The following SCAI variants were observed in gnomAD, a reference collection of about 807,000 sequenced individuals.
SCAI encodes the protein protein SCAI.
In SCAI, 24 loss-of-function variants were observed where a neutral mutation model predicts 92.2. The observed-to-expected ratio is 0.26, with a 90% confidence interval of 0.19 to 0.37. The LOEUF is 0.37. Ranked by LOEUF, SCAI falls within the 10% of genes least tolerant of loss-of-function variation. SCAI has a pLI of 1.00. For synonymous variants in SCAI, 261 were observed against 258.6 expected (o/e 1.01, Z -0.09); for missense variants, 450 against 736.2 (o/e 0.61, Z 4.50).
intron 2 of SCAI, among the ~76,000 whole-genome samples, chr9:125,076,757 G>A (rs1834099221): frequency 6.6e-6 from 1 of 151,858 alleles, no homozygotes; most frequent in Non-Finnish European, 1.5e-5. Context: ...GGAGTGCAGT[G>A]GCGTGATCTC....
intron 11 of SCAI, 83 bp downstream of exon 11, chr9:125,003,031 A>T: frequency 1.2e-6 from 1 of 823,292 alleles, no homozygotes; most frequent in Non-Finnish European, 2.0e-6. Flanking sequence ...TAAACTCTTA[A>T]GTATTTTTTC....
At chr9:125,066,666 G>A (rs7469475) in intron 2 of SCAI, among the ~76,000 whole-genome samples, 1 of 152,012 alleles carries the variant, frequency 6.6e-6, no homozygotes, top group African/African-American at 2.4e-5. Flanking sequence ...TGTTAGCCAG[G>A]ATGGTCTCGA....
intron 3 of SCAI, among the ~76,000 whole-genome samples, chr9:125,054,472 A>G (rs529340997): frequency 1.3e-5 from 2 of 152,202 alleles, no homozygotes; most frequent in Non-Finnish European, 2.9e-5. Context: ...TTCGTACCCA[A>G]TACAGAATAT....
intron 2 of SCAI, among the ~76,000 whole-genome samples, chr9:125,108,223 G>A (rs1033085097): frequency 7.9e-5 from 12 of 152,270 alleles, no homozygotes; most frequent in Non-Finnish European, 1.5e-4. Flanking sequence ...CTCCCAAAGT[G>A]CCGAGATTGC....
At chr9:124,954,447 C>A (rs1313122347) in intron 17 of SCAI, among the ~76,000 whole-genome samples, 2 of 152,224 alleles carry the variant, frequency 1.3e-5, no homozygotes, top group African/African-American at 4.8e-5. Flanking sequence ...AATAGTTACA[C>A]AATCCTCCCA....
At chr9:125,044,027 T>C (rs1241099980) in intron 3 of SCAI, among the ~76,000 whole-genome samples, 1 of 152,150 alleles carries the variant, frequency 6.6e-6, no homozygotes, top group East Asian at 1.9e-4. Flanking sequence ...TACCTGCTCC[T>C]GCTCCCTGGC....
At chr9:125,086,781 T>C (rs909476140) in intron 2 of SCAI, among the ~76,000 whole-genome samples, 13 of 152,194 alleles carry the variant, frequency 8.5e-5, no homozygotes, top group African/African-American at 3.1e-4. Flanking sequence ...TGCTGCCACT[T>C]ACTATTCAAA....
At position 125,055,903 on chromosome 9, in the gene SCAI, T is replaced by A. The variant is rs983093168; in HGVS notation, c.203A>T (p.Lys68Ile). ...TAACCCATTGAACAGTTGCTTAGAT[T>A]TATCCAGAAGATAACAAAAATCTGT... ...TVTDFCYLLDKSKQLFNGLRD... is the reference protein window; with the variant it reads ...TVTDFCYLLDISKQLFNGLRD... The change falls in exon 3 of 18, where the codon AAA (lysine) becomes ATA (isoleucine). Residue 68 changes from lysine (K) to isoleucine (I), a missense_variant. Physicochemically the swap from Lys to Ile is moderately radical, Grantham distance 102. Around this residue, in one of 3 missense-constraint regions of SCAI, gnomAD observed 20 missense variants for 68.2 expected, o/e 0.29. Coordinates refer to ENST00000336505, the MANE Select transcript of SCAI (RefSeq NM_001144877.3). The A allele has an allele frequency of 1.2e-6, 2 of 1,613,094 alleles. No individual in the cohort carries two copies. Among genetic ancestry groups the A allele is most frequent in the African/African-American group, 2.7e-5 (2 of 74,898 alleles).
At chr9:125,002,097 G>T in intron 11 of SCAI, 54 bp from the exon 12 acceptor site, 2 of 1,212,980 alleles carry the variant, frequency 1.6e-6, no homozygotes, top group South Asian at 1.2e-5. Context: ...TAAACAACAT[G>T]GTTTTATTTA....
chr9:125,099,288 C>CTT (rs1016275871), intron 2 of SCAI, among the ~76,000 whole-genome samples: 3 of 143,646 alleles, frequency 2.1e-5, no homozygotes, highest in African/African-American at 2.5e-5. Context: ...CACTTTTTAT[C>CTT]TTTTTTTTTT....
intron 17 of SCAI, among the ~76,000 whole-genome samples, chr9:124,958,705 G>A (rs1453597354): frequency 1.3e-5 from 2 of 151,982 alleles, no homozygotes; most frequent in African/African-American, 4.8e-5. Flanking sequence ...TCAGGAATTC[G>A]AGATCAGCCT....
intron 2 of SCAI, among the ~76,000 whole-genome samples, chr9:125,073,114 T>TTTTTTTTTG (rs1834012833): frequency 8.3e-6 from 1 of 121,104 alleles, no homozygotes; most frequent in Non-Finnish European, 1.8e-5. Context: ...TTTTTTTTTT[T>TTTTTTTTTG]TTTTTTTTGA....
chr9:125,066,758 AT>A (rs1156462575), intron 2 of SCAI, among the ~76,000 whole-genome samples: 1 of 151,778 alleles, frequency 6.6e-6, no homozygotes. Context: ...TGGCCTATTT[AT>A]TTTTTTTAAA....
chr9:125,129,622 C>T (rs1230129703), intron 2 of SCAI, among the ~76,000 whole-genome samples: 1 of 151,008 alleles, frequency 6.6e-6, no homozygotes, highest in Admixed American at 6.6e-5. Context: ...TGCCACCACA[C>T]CTGGCTGATT....
intron 3 of SCAI, among the ~76,000 whole-genome samples, chr9:125,034,284 T>C (rs1833144788): frequency 6.6e-6 from 1 of 151,970 alleles, no homozygotes; most frequent in Non-Finnish European, 1.5e-5. Context: ...TAAATGTTAG[T>C]CTCCCAGGGT....
intron 3 of SCAI, among the ~76,000 whole-genome samples, chr9:125,050,900 AAAC>A (rs1833548047): frequency 1.3e-5 from 2 of 152,132 alleles, no homozygotes; most frequent in African/African-American, 4.8e-5. Context: ...AAAAAAAAGA[AAAC>A]AATACGGCTG....
rs570065699 is a variant in SCAI, at chr9:124,968,465, G to T, written c.1674+2905C>A. 4.1e-6 allele frequency: 4 copies of T among 975,532 alleles called. No homozygotes were observed. In the East Asian group the frequency reaches 7.2e-5, roughly 18 times the overall value. 60.4% of individuals were successfully genotyped at this position (975,532 alleles called of 1,614,324 possible). Reference sequence around the variant, plus strand: ...GTCCACTGGATGGAGAAGATAACCAGATTTGCTTGTTTGGTGTCTGCTTGT... The same window carrying T: ...GTCCACTGGATGGAGAAGATAACCATATTTGCTTGTTTGGTGTCTGCTTGT... On this transcript the variant is annotated intron_variant, in intron 17 of 17. Coordinates refer to ENST00000336505, the MANE Select transcript of SCAI (RefSeq NM_001144877.3).
intron 5 of SCAI, among the ~76,000 whole-genome samples, chr9:125,027,493 A>G (rs1490238391): frequency 3.3e-5 from 5 of 152,004 alleles, no homozygotes; most frequent in African/African-American, 1.2e-4. Flanking sequence ...AAGAAGTTTT[A>G]TTGCCTTTTC....
intron 2 of SCAI, among the ~76,000 whole-genome samples, chr9:125,111,854 T>A (rs1265060047): frequency 6.6e-6 from 1 of 152,038 alleles, no homozygotes; most frequent in Non-Finnish European, 1.5e-5. Context: ...TGGAGCTGAG[T>A]GTCTAGAGAC....
Sources: gnomAD v4.1 joint callset for allele counts (sites outside exome capture counted in the v4.1 genomes callset) on GRCh38, gnomAD v4.1.1 for gene constraint, gnomAD v4.1.1 regional missense constraint, MANE v1.5 for transcripts, NCBI Gene and HGNC (gene_info 2026-07-23, HGNC 2026-07-21) for gene names.